The following ABI3BP variants were observed in gnomAD, a reference collection of about 807,000 sequenced individuals.
ABI3BP encodes target of Nesh-SH3.
ABI3BP carries 216 observed loss-of-function variants against 268.6 expected under a neutral mutation model. The ratio of observed to expected loss-of-function variants is 0.80; its 90% CI spans 0.72 to 0.90. ABI3BP has a LOEUF of 0.90. Ranked by LOEUF, ABI3BP falls within the 40% of genes least tolerant of loss-of-function variation. The pLI, the probability that ABI3BP is intolerant of heterozygous loss-of-function variation, is 0.00. For missense variants in ABI3BP, 2,090 were observed against 2,182.4 expected, an observed-to-expected ratio of 0.96 and a Z score of 0.84; for synonymous variants, 730 against 730.0, an observed-to-expected ratio of 1.00 and a Z score of 0.00.
Position 100,750,459 on chromosome 3 carries a change from T to C in ABI3BP, c.*36A>G, listed in dbSNP as rs546829550. 4 of 1,502,086 alleles carry C rather than the reference T, an allele frequency of 2.7e-6. No homozygotes were observed. The highest frequency in any genetic ancestry group is 1.7e-5 in the Admixed American group (1 of 57,900). 93.0% of individuals were successfully genotyped at this position (1,502,086 alleles called of 1,614,324 possible). On this transcript the variant is annotated 3_prime_UTR_variant, in exon 68 of 68. Transcript: ENST00000471714. ...CATAGTATTTTCAATGATTTTTGTT[T>C]GCAATGATGAAACAGAAGGTAACTT...
intron 21 of ABI3BP, among the ~76,000 whole-genome samples, chr3:100,841,682 A>C (rs1015282623): frequency 1.3e-5 from 2 of 152,074 alleles, no homozygotes; most frequent in Non-Finnish European, 2.9e-5. Flanking sequence ...TGAGATCAGG[A>C]GTTTGAGACC....
Position 100,806,718 on chromosome 3 carries a change from T to C in ABI3BP, c.3682+1443A>G, listed in dbSNP as rs142676631. On this transcript the variant is annotated intron_variant, in intron 50 of 67. Coordinates refer to ENST00000471714, the MANE Select transcript of ABI3BP (RefSeq NM_001375547.2). ...CTTCAATCGGGACATCAGAAGGCTCTCTCATTACAGTCTGGCAGCCACTCC... is the reference window on the plus strand; with the variant it reads ...CTTCAATCGGGACATCAGAAGGCTCCCTCATTACAGTCTGGCAGCCACTCC... 3.4e-3 allele frequency among the ~76,000 whole-genome samples: 517 copies of C among 152,158 alleles called. 4 individuals are homozygous for C. Among genetic ancestry groups the C allele is most frequent in the African/African-American group, 9.9e-3 (410 of 41,538 alleles).
intron 20 of ABI3BP, chr3:100,843,909 G>A (rs1180885512): frequency 6.1e-6 from 6 of 985,048 alleles, no homozygotes; most frequent in East Asian, 1.1e-4. Context: ...ATTAAAGAAC[G>A]TTGTTTTTGA....
chr3:100,841,194 C>CTTT lies in ABI3BP; in HGVS notation c.1766-339_1766-337dup, dbSNP rs60261694. Reference sequence around the variant, plus strand: ...AATTGGCTAAGATGGCATTAGAACACTTTTTTTTTTTTTTTTTTTTTTTTT... The same window carrying CTTT: ...AATTGGCTAAGATGGCATTAGAACACTTTTTTTTTTTTTTTTTTTTTTTTTTTT... On this transcript the variant is annotated intron_variant, in intron 21 of 67. Coordinates refer to ENST00000471714, the MANE Select transcript of ABI3BP (RefSeq NM_001375547.2). 3.1e-3 allele frequency among the ~76,000 whole-genome samples: 122 copies of CTTT among 39,578 alleles called. 3 individuals carry two copies. The highest frequency in any genetic ancestry group is 4.7e-3 in the African/African-American group (44 of 9,272). The allele number at this position is 39,578 out of a possible 152,430, so 26.0% of individuals were successfully genotyped here. A position where few individuals can be genotyped will look rare whatever the true frequency, so the allele number is the denominator to read the frequency against.
chr3:100,855,141 TG>T (rs1203640822), intron 14 of ABI3BP, among the ~76,000 whole-genome samples: 1 of 152,234 alleles, frequency 6.6e-6, no homozygotes, highest in Non-Finnish European at 1.5e-5. Flanking sequence ...TTGGCCAGGC[TG>T]GCTTCAAACT....
chr3:100,876,462 A>G (rs1428645544), intron 7 of ABI3BP, 50 bp downstream of exon 7: 3 of 1,495,860 alleles, frequency 2.0e-6, no homozygotes, highest in Non-Finnish European at 2.8e-6. Flanking sequence ...ACCTTAGCTA[A>G]AAGTATGTTA....
At chr3:100,771,064 G>T in intron 61 of ABI3BP, 112 bp from the exon 62 acceptor site, 1 of 975,678 alleles carries the variant, frequency 1.0e-6, no homozygotes, top group Non-Finnish European at 1.4e-6. Context: ...TAAGCGGATG[G>T]TTGAAAGCCA....
chr3:100,766,361 G>A (rs911588925), intron 62 of ABI3BP, among the ~76,000 whole-genome samples: 1 of 152,150 alleles, frequency 6.6e-6, no homozygotes, highest in African/African-American at 2.4e-5. Context: ...CTGCTCTATG[G>A]GCTTTAGAAT....
intron 9 of ABI3BP, among the ~76,000 whole-genome samples, chr3:100,871,709 G>A (rs1254644510): frequency 1.3e-5 from 2 of 152,120 alleles, no homozygotes; most frequent in Non-Finnish European, 2.9e-5. Context: ...GGAACTATAA[G>A]TCCAATTAAA....
At chr3:100,882,460 A>AT (rs537647839) in intron 6 of ABI3BP, among the ~76,000 whole-genome samples, 339 of 148,700 alleles carry the variant, frequency 2.3e-3, no homozygotes, top group African/African-American at 6.8e-3. Flanking sequence ...ATATATATAT[A>AT]TTTTTTTTGC....
At chr3:100,940,642 A>G (rs1258781783) in intron 1 of ABI3BP, among the ~76,000 whole-genome samples, 2 of 149,836 alleles carry the variant, frequency 1.3e-5, no homozygotes, top group South Asian at 2.1e-4. Context: ...CATGCCTTTC[A>G]TTTTTATCTT....
intron 55 of ABI3BP, among the ~76,000 whole-genome samples, chr3:100,790,636 T>G (rs2097173356): frequency 6.6e-6 from 1 of 151,948 alleles, no homozygotes; most frequent in African/African-American, 2.4e-5. Context: ...ATAGGTTTAT[T>G]TTGGGCCTTC....
At chr3:100,968,215 T>C (rs1050927723) in intron 1 of ABI3BP, among the ~76,000 whole-genome samples, 2 of 152,210 alleles carry the variant, frequency 1.3e-5, no homozygotes, top group African/African-American at 4.8e-5. Context: ...AAACAAATCC[T>C]GAATGATCCA....
chr3:100,983,227 G>A (rs955382310), intron 1 of ABI3BP, among the ~76,000 whole-genome samples: 12 of 152,188 alleles, frequency 7.9e-5, no homozygotes, highest in African/African-American at 2.7e-4. Context: ...TCAGAGAAGA[G>A]AGAACTTCCA....
intron 1 of ABI3BP, among the ~76,000 whole-genome samples, chr3:100,981,504 A>G (rs2153955428): frequency 6.6e-6 from 1 of 152,286 alleles, no homozygotes; most frequent in Non-Finnish European, 1.5e-5. Context: ...AGAGTCACAC[A>G]ATCAAACCAA....
At chr3:100,792,455 T>C (rs575227058) in intron 55 of ABI3BP, among the ~76,000 whole-genome samples, 23 of 151,850 alleles carry the variant, frequency 1.5e-4, no homozygotes, top group African/African-American at 5.3e-4. Flanking sequence ...GTTATAAGCA[T>C]CAAGTAGTCA....
intron 10 of ABI3BP, 112 bp from the exon 11 acceptor site, chr3:100,865,019 T>C: frequency 2.5e-6 from 2 of 807,922 alleles, no homozygotes; most frequent in Non-Finnish European, 4.0e-6. Context: ...GTATAGCCCA[T>C]TTCTTTTTGT....
At chr3:100,862,522 T>C (rs1215018366) in intron 13 of ABI3BP, 137 bp from the exon 14 acceptor site, 3 of 626,084 alleles carry the variant, frequency 4.8e-6, no homozygotes, top group Non-Finnish European at 8.4e-6. Context: ...AGTCATTATA[T>C]ATCAGTAAGA....
At chr3:100,867,510 G>A (rs1477919682) in intron 9 of ABI3BP, among the ~76,000 whole-genome samples, 2 of 151,232 alleles carry the variant, frequency 1.3e-5, no homozygotes, top group African/African-American at 2.4e-5. Flanking sequence ...GTGTGGTGGC[G>A]GGCCCCTGTA....
Sources: allele counts gnomAD v4.1 joint callset (sites outside exome capture counted in the v4.1 genomes callset), GRCh38; gene constraint gnomAD v4.1.1; transcripts MANE v1.5; gene names NCBI Gene and HGNC (gene_info 2026-07-23, HGNC 2026-07-21).